The following APEH variants were observed in gnomAD, a reference collection of about 807,000 sequenced individuals.
APEH encodes the protein acylamino-acid-releasing enzyme.
In APEH, 75 loss-of-function variants were observed where a neutral mutation model predicts 102.7. The observed-to-expected ratio is 0.73, with a 90% CI of 0.61 to 0.89. The LOEUF (loss-of-function observed/expected upper bound fraction) is 0.89, where lower values mean the gene tolerates loss of function less well. Among genes scored for constraint, APEH ranks in the 40% least tolerant of loss-of-function variants. The probability of loss-of-function intolerance (pLI) is 0.00; values close to 1 mark genes in which losing one functional copy is unlikely to be tolerated. For synonymous variants in APEH, 344 were observed against 362.7 expected (o/e 0.95, Z 0.59); for missense variants, 863 against 941.2 (o/e 0.92, Z 1.09).
chr3:49,681,801 C>T lies in APEH; in HGVS notation c.1518C>T (p.Pro506=). 1 of 1,611,948 alleles carries T rather than the reference C, an allele frequency of 6.2e-7. No homozygotes were observed. Among genetic ancestry groups the T allele is most frequent in the Non-Finnish European group, 8.5e-7 (1 of 1,178,438 alleles). Residue 506 remains proline (P), a synonymous_variant, in exon 16 of 22, where the codon CCC becomes CCT. Transcript: ENST00000296456. The part of the protein sequence containing the change: ...DKTQVPMVVM[P]HGGPHSSFVT... ...CCCAAGTGCCCATGGTGGTCATGCC[C>T]CACGGTAGGCATCTGGCGTTAAGAG...
At chr3:49,683,177 G>C in intron 21 of APEH, 31 bp downstream of exon 21, 1 of 1,611,402 alleles carries the variant, frequency 6.2e-7, no homozygotes, top group Non-Finnish European at 8.5e-7. Flanking sequence ...CTGGCAGCTG[G>C]TGGGCAGGTG....
chr3:49,679,635 C>G lies in APEH; in HGVS notation c.1201C>G (p.Leu401Val), dbSNP rs546162423. 11 of 1,613,830 alleles carry G rather than the reference C, an allele frequency of 6.8e-6. No individual in the cohort carries two copies. Among genetic ancestry groups the G allele is most frequent in the Middle Eastern group, 1.7e-4 (1 of 6,054 alleles). The change falls in exon 13 of 22, where the codon CTC becomes GTC. Residue 401 changes from leucine to valine, a missense_variant. Physicochemically the swap from Leu to Val is conservative, Grantham distance 32. Coordinates refer to ENST00000296456, the MANE Select transcript of APEH (RefSeq NM_001640.4). The surrounding 1 kb of genome is among the most constrained non-coding windows in gnomAD (Gnocchi z 4.3). ...CACCCAAGTGGGCACTGTGACCTCC[C>G]TCACAGCTGGTGAGCAAGGCTTTGG... Reference protein sequence around the residue: ...VDTQVGTVTSLTAGGSGGSWK... With the variant: ...VDTQVGTVTSVTAGGSGGSWK...
At chr3:49,676,852 A>T (rs2053082107) in intron 9 of APEH, 35 bp downstream of exon 9, 2 of 1,614,086 alleles carry the variant, frequency 1.2e-6, no homozygotes, top group South Asian at 2.2e-5. Flanking sequence ...CTTTGCTGAC[A>T]CATGTTGGCC....
At chr3:49,674,196 G>A (rs539409108), upstream of APEH, 29 of 645,412 alleles carry the variant, frequency 4.5e-5, no homozygotes, top group South Asian at 5.4e-4. Flanking sequence ...ACCCACCCAG[G>A]ACTTCTCGCT....
upstream of APEH, among the ~76,000 whole-genome samples, chr3:49,673,662 C>T (rs1325858595): frequency 6.6e-6 from 1 of 152,180 alleles, no homozygotes; most frequent in Non-Finnish European, 1.5e-5. Context: ...TCTTCGTCTG[C>T]GTGGAACTCC....
chr3:49,682,729 C>T lies in APEH; in HGVS notation c.1876C>T (p.Pro626Ser). 6.2e-7 allele frequency: 1 copy of T among 1,613,898 alleles called. No individual in the cohort carries two copies. Among genetic ancestry groups the T allele is most frequent in the Non-Finnish European group, 8.5e-7 (1 of 1,179,970 alleles). ...IASMLGSTDIPDWCVVEAGFP... is the reference protein window; with the variant it reads ...IASMLGSTDISDWCVVEAGFP... ...CTCCATGTTGGGCTCCACTGACATC[C>T]CTGACTGGTAGGCATACACCACAGG... Residue 626 changes from proline to serine, a missense_variant, in exon 19 of 22, where the codon CCT (proline) becomes TCT (serine). Pro to Ser is a moderately conservative substitution (Grantham distance 74). Coordinates refer to ENST00000296456, the MANE Select transcript of APEH (RefSeq NM_001640.4).
chr3:49,674,669 G>T, intron 2 of APEH, 48 bp downstream of exon 2: 2 of 1,578,562 alleles, frequency 1.3e-6, no homozygotes, highest in Non-Finnish European at 1.7e-6. Flanking sequence ...GCGCACTGGG[G>T]TGGGAAGGAA....
At chr3:49,678,413 TAGTG>T (rs763302371) in intron 11 of APEH, among the ~76,000 whole-genome samples, 2 of 152,138 alleles carry the variant, frequency 1.3e-5, no homozygotes, top group African/African-American at 2.4e-5. Flanking sequence ...CATAGGATCA[TAGTG>T]AGTGTTAAGT....
rs969737586 is a variant in APEH, at chr3:49,681,562, CAGA to C, written c.1439-154_1439-152del. ...GCAGGATGGGGTTCCCTGACGAGGG[CAGA>C]AGAAGTATGAGCCTTCTGGGGTCCA... On this transcript the variant is annotated intron_variant, in intron 15 of 21. Transcript: ENST00000296456. Among the ~76,000 whole-genome samples, 10 of 152,352 alleles carry C rather than the reference CAGA, an allele frequency of 6.6e-5. 1 individual carries two copies. The highest frequency in any genetic ancestry group is 2.6e-4 in the Admixed American group (4 of 15,310).
chr3:49,682,626 C>A lies in APEH; in HGVS notation c.1773C>A (p.Phe591Leu), dbSNP rs761754269. ...TTATGGGTGGTTCCCATGGTGGCTT[C>A]ATTTCCTGCCACTTGATTGGTCAGT... ...VALMGGSHGG[F>L]ISCHLIGQYP... Residue 591 changes from phenylalanine (F) to leucine (L), a missense_variant, in exon 19 of 22, where the codon TTC (phenylalanine) becomes TTA (leucine). By Grantham distance (22) the Phe-to-Leu change is conservative (BLOSUM62 0). Coordinates refer to ENST00000296456, the MANE Select transcript of APEH (RefSeq NM_001640.4). 1 of 1,614,098 alleles carries A rather than the reference C, an allele frequency of 6.2e-7. No individual in the cohort carries two copies. The highest frequency in any genetic ancestry group is 2.2e-5 in the East Asian group (1 of 44,876).
At position 49,679,617 on chromosome 3, in the gene APEH, G is replaced by C; in HGVS notation, c.1183G>C (p.Val395Leu). The C allele has an allele frequency of 6.2e-7, 1 of 1,613,986 alleles. No individual in the cohort carries two copies. Among genetic ancestry groups the C allele is most frequent in the South Asian group, 1.1e-5 (1 of 91,084 alleles). The change falls in exon 13 of 22, where the codon GTG becomes CTG. Residue 395 changes from valine to leucine, a missense_variant. Val to Leu is a conservative substitution (Grantham distance 32, BLOSUM62 1). Coordinates refer to ENST00000296456, the MANE Select transcript of APEH (RefSeq NM_001640.4). This position sits in a 1 kb window ranked among gnomAD's most constrained non-coding sequence, Gnocchi z 4.3. Reference sequence around the variant, plus strand: ...GGACCTGTTTGCTGTGGACACCCAAGTGGGCACTGTGACCTCCCTCACAGC... The same window carrying C: ...GGACCTGTTTGCTGTGGACACCCAACTGGGCACTGTGACCTCCCTCACAGC... ...RQDLFAVDTQ[V>L]GTVTSLTAGG...
intron 3 of APEH, 25 bp from the exon 4 acceptor site, chr3:49,675,669 G>C: frequency 6.3e-7 from 1 of 1,593,826 alleles, no homozygotes; most frequent in South Asian, 1.1e-5. Context: ...AGATAATCCT[G>C]ACCTGTGCTA....
chr3:49,681,308 T>C (rs2053309189), intron 15 of APEH, 69 bp downstream of exon 15: 3 of 1,433,242 alleles, frequency 2.1e-6, no homozygotes, highest in Non-Finnish European at 2.8e-6. Context: ...GCGGTGACCT[T>C]TGCTACCTCC....
In APEH at chr3:49,682,527, G is replaced by C; in HGVS notation, c.1693-19G>C. On this transcript the variant is annotated intron_variant, in intron 18 of 21. Transcript: ENST00000296456. ...CTGAGCGGGCAGCTGGCTGCAGCAT[G>C]CTTTGTCCCACCCTGCAGTTTGCAG... is the stretch of plus-strand genomic sequence containing the variant. 1 of 1,613,880 alleles carries C rather than the reference G, an allele frequency of 6.2e-7. No individual in the cohort carries two copies. Among genetic ancestry groups the C allele is most frequent in the Non-Finnish European group, 8.5e-7 (1 of 1,179,842 alleles).
intron 13 of APEH, 37 bp from the exon 14 acceptor site, chr3:49,680,504 C>G: frequency 1.3e-6 from 2 of 1,566,410 alleles, no homozygotes; most frequent in Non-Finnish European, 1.8e-6. Flanking sequence ...AAGGTGATGG[C>G]TCCTGCTAAG....
Position 49,681,903 on chromosome 3 carries a change from C to CT in APEH, c.1542dup (p.Val515CysfsTer63). On this transcript the variant is annotated frameshift_variant, in exon 17 of 22. Coordinates refer to ENST00000296456, the MANE Select transcript of APEH (RefSeq NM_001640.4). LOFTEE classifies it high-confidence loss of function. Reference sequence around the variant, plus strand: ...TGTCTGCAGGGGGGCCCCATTCATCCTTTGTCACTGCCTGGATGCTGTTCC... The same window carrying CT: ...TGTCTGCAGGGGGGCCCCATTCATCCTTTTGTCACTGCCTGGATGCTGTTCC... 6.2e-7 allele frequency: 1 copy of CT among 1,614,204 alleles called. No individual in the cohort carries two copies. Among genetic ancestry groups the CT allele is most frequent in the East Asian group, 2.2e-5 (1 of 44,878 alleles).
Position 49,683,090 on chromosome 3 carries a change from C to T in APEH, c.2037C>T (p.Pro679=). ...LMLGQEDRRV[P]FKQGMEYYRA... ...TGGGCCAGGAGGACCGGCGTGTGCCCTTCAAGCAGGGCATGGAGTATTACC... is the reference window on the plus strand; with the variant it reads ...TGGGCCAGGAGGACCGGCGTGTGCCTTTCAAGCAGGGCATGGAGTATTACC... Residue 679 remains proline, a synonymous_variant, in exon 21 of 22, where the codon CCC becomes CCT. Transcript: ENST00000296456. The T allele has an allele frequency of 6.2e-7, 1 of 1,614,080 alleles. No individual in the cohort carries two copies. The highest frequency in any genetic ancestry group is 2.2e-5 in the East Asian group (1 of 44,872).
chr3:49,680,201 C>G, intron 13 of APEH: 1 of 353,258 alleles, frequency 2.8e-6, no homozygotes, highest in South Asian at 2.5e-5. Context: ...GCTTGGACAC[C>G]ACTGCCCCAA....
chr3:49,674,110 G>C, upstream of APEH: 1 of 428,098 alleles, frequency 2.3e-6, no homozygotes, highest in East Asian at 3.8e-5. Context: ...CTCGCCCCTC[G>C]GTAAGAGGCC....
Sources: gnomAD v4.1 joint callset for allele counts (sites outside exome capture counted in the v4.1 genomes callset) on GRCh38, gnomAD v4.1.1 for gene constraint, Gnocchi (gnomAD v3.1) non-coding constraint, MANE v1.5 for transcripts, NCBI Gene and HGNC (gene_info 2026-07-23, HGNC 2026-07-21) for gene names.